The following SHANK2 variants were observed in gnomAD, a reference collection of about 807,000 sequenced individuals.
SHANK2 encodes the protein SH3 and multiple ankyrin repeat domains protein 2.
A neutral mutation model predicts 133.7 loss-of-function variants in SHANK2; 43 were observed. The observed-to-expected ratio is 0.32, with a 90% CI of 0.25 to 0.41. SHANK2 has a LOEUF of 0.41. SHANK2 is among the 10% of genes least tolerant of loss of function. The probability of loss-of-function intolerance (pLI) is 1.00; values close to 1 mark genes in which losing one functional copy is unlikely to be tolerated. For synonymous variants in SHANK2, 1,017 were observed against 952.8 expected, an observed-to-expected ratio of 1.07 and a Z score of -1.24; for missense variants, 1,994 against 2,235.8, an observed-to-expected ratio of 0.89 and a Z score of 2.18.
At chr11:71,110,489 C>T (rs1036166401) in intron 5 of SHANK2, among the ~76,000 whole-genome samples, 1 of 152,056 alleles carries the variant, frequency 6.6e-6, no homozygotes, top group African/African-American at 2.4e-5. Flanking sequence ...CATGTGATTC[C>T]AGCTACTTGG....
chr11:70,569,928 A>T lies in SHANK2; in HGVS notation c.2062-66997T>A, dbSNP rs1554982747. ...GACAGAGACACTCACCGAGACAGAG[A>T]CACAGAGACATAGAGAGAGAGAGAG... On this transcript the variant is annotated intron_variant, in intron 17 of 25. Coordinates refer to ENST00000601538, the MANE Select transcript of SHANK2 (RefSeq NM_012309.5). The surrounding 1 kb of genome is among the most constrained non-coding windows in gnomAD (Gnocchi z 5.1). Among the ~76,000 whole-genome samples, 1 of 144,374 alleles carries T rather than the reference A, an allele frequency of 6.9e-6. No homozygotes were observed. The highest frequency in any genetic ancestry group is 1.6e-5 in the Non-Finnish European group (1 of 64,180). The allele number at this position is 144,374 out of a possible 152,430, so 94.7% of individuals were successfully genotyped here.
intron 17 of SHANK2, among the ~76,000 whole-genome samples, chr11:70,518,780 C>T (rs972266714): frequency 1.3e-5 from 2 of 152,204 alleles, no homozygotes; most frequent in African/African-American, 4.8e-5. Flanking sequence ...TCCCACTCCC[C>T]GTCAGCTTGC....
At chr11:70,607,885 A>G (rs1364495723) in intron 17 of SHANK2, among the ~76,000 whole-genome samples, 1 of 152,232 alleles carries the variant, frequency 6.6e-6, no homozygotes, top group African/African-American at 2.4e-5. Context: ...TGGACAACAT[A>G]TAGCCCCCCT....
intron 17 of SHANK2, among the ~76,000 whole-genome samples, chr11:70,563,228 CTTTGT>C (rs1299818924): frequency 1.3e-5 from 2 of 152,232 alleles, no homozygotes; most frequent in South Asian, 2.1e-4. Context: ...AGCTATTATT[CTTTGT>C]TTTGTTATTT....
chr11:70,902,996 G>T lies in SHANK2; in HGVS notation c.1108-6429C>A, dbSNP rs530939168. Among the ~76,000 whole-genome samples, 42 of 152,240 alleles carry T rather than the reference G, an allele frequency of 2.8e-4. 1 individual carries two copies. In the Middle Eastern group the frequency reaches 0.024, roughly 86 times the overall value. On this transcript the variant is annotated intron_variant, in intron 10 of 25. Coordinates refer to ENST00000601538, the MANE Select transcript of SHANK2 (RefSeq NM_012309.5). ...CCCCCCTCCACTGATCTACCAGCTGGGGGAGAAGGGGGAGTTTCCATCTAT... is the reference window on the plus strand; with the variant it reads ...CCCCCCTCCACTGATCTACCAGCTGTGGGAGAAGGGGGAGTTTCCATCTAT...
intron 2 of SHANK2, among the ~76,000 whole-genome samples, chr11:71,177,920 T>G (rs2135534644): frequency 6.6e-6 from 1 of 152,214 alleles, no homozygotes; most frequent in Non-Finnish European, 1.5e-5. Context: ...TAATAATAAG[T>G]GGAAAATGAC....
chr11:70,650,045 T>C (rs1555009720), intron 17 of SHANK2, among the ~76,000 whole-genome samples: 1 of 152,230 alleles, frequency 6.6e-6, no homozygotes, highest in Non-Finnish European at 1.5e-5. Flanking sequence ...GTCAGTCACC[T>C]AACACGGGAG....
intron 2 of SHANK2, among the ~76,000 whole-genome samples, chr11:71,158,900 G>A (rs1433095054): frequency 2.0e-5 from 3 of 152,168 alleles, no homozygotes; most frequent in Middle Eastern, 3.2e-3. Flanking sequence ...GAGAAATAGA[G>A]CCCCATGCCA....
At chr11:70,707,297 G>A (rs1223184185) in intron 14 of SHANK2, among the ~76,000 whole-genome samples, 8 of 148,110 alleles carry the variant, frequency 5.4e-5, no homozygotes, top group East Asian at 2.0e-4. Flanking sequence ...GCCTGAACCC[G>A]AGAGGTGGAG....
intron 2 of SHANK2, chr11:71,174,897 T>C (rs1403704259): frequency 6.6e-6 from 1 of 152,112 alleles, no homozygotes; most frequent in African/African-American, 2.4e-5. Context: ...CACACAGGAT[T>C]AGATTCCAAT....
chr11:71,117,208 C>T (rs1292356197), intron 4 of SHANK2, among the ~76,000 whole-genome samples: 4 of 152,028 alleles, frequency 2.6e-5, no homozygotes, highest in African/African-American at 9.7e-5. Context: ...TTAGTAGAGA[C>T]GGAGTTTCAC....
chr11:70,574,229 C>CG (rs1554983776), intron 17 of SHANK2, among the ~76,000 whole-genome samples: 2 of 152,232 alleles, frequency 1.3e-5, no homozygotes, highest in Non-Finnish European at 2.9e-5. Flanking sequence ...ACACAGACTG[C>CG]GGAGGTGTGG....
chr11:70,740,302 A>G (rs1165666872), intron 14 of SHANK2, among the ~76,000 whole-genome samples: 8 of 152,024 alleles, frequency 5.3e-5, no homozygotes, highest in Non-Finnish European at 1.2e-4. Flanking sequence ...GTTGTCCGCA[A>G]TGGGTTCTCG....
At chr11:70,907,423 C>T (rs1369149668) in intron 10 of SHANK2, among the ~76,000 whole-genome samples, 1 of 152,168 alleles carries the variant, frequency 6.6e-6, no homozygotes, top group African/African-American at 2.4e-5. Flanking sequence ...TTGGACAGCC[C>T]CAGAGGGAGC....
chr11:70,662,802 C>T (rs1329451057), intron 15 of SHANK2, among the ~76,000 whole-genome samples: 1 of 152,174 alleles, frequency 6.6e-6, no homozygotes, highest in Non-Finnish European at 1.5e-5. Flanking sequence ...CCCCGAGGCA[C>T]CCAGAGTGTG....
chr11:70,501,240 C>T (rs868913468), intron 20 of SHANK2, among the ~76,000 whole-genome samples: 43 of 152,356 alleles, frequency 2.8e-4, no homozygotes, highest in African/African-American at 9.9e-4. Context: ...TCGTGAGAAG[C>T]GGCCTGGCCG....
chr11:70,664,680 GACC>G (rs1944646035), intron 15 of SHANK2, among the ~76,000 whole-genome samples: 1 of 152,230 alleles, frequency 6.6e-6, no homozygotes, highest in Non-Finnish European at 1.5e-5. Context: ...AGATGACCCA[GACC>G]ACTTCCTGCC....
chr11:71,102,468 T>G (rs919783683), intron 6 of SHANK2, among the ~76,000 whole-genome samples: 1 of 152,284 alleles, frequency 6.6e-6, no homozygotes, highest in Non-Finnish European at 1.5e-5. Context: ...GGCCCAGGTC[T>G]GCAGGGCCCG....
At position 71,086,824 on chromosome 11, in the gene SHANK2, C is replaced by T. The variant is rs1951426170; in HGVS notation, c.912+5598G>A. On this transcript the variant is annotated intron_variant, in intron 8 of 25. Coordinates refer to ENST00000601538, the MANE Select transcript of SHANK2 (RefSeq NM_012309.5). The stretch of plus-strand genomic sequence containing the variant: ...GGCACCCGCACCCATCCCTTATCTG[C>T]TCCGTCCCTTATCATCTGATAGGCA... 2.0e-5 allele frequency among the ~76,000 whole-genome samples: 3 copies of T among 152,290 alleles called. No individual in the cohort carries two copies. In the South Asian group the frequency reaches 6.2e-4, roughly 32 times the overall value.
Sources: gnomAD v4.1 joint callset for allele counts (sites outside exome capture counted in the v4.1 genomes callset) on GRCh38, gnomAD v4.1.1 for gene constraint, Gnocchi (gnomAD v3.1) non-coding constraint, MANE v1.5 for transcripts, NCBI Gene and HGNC (gene_info 2026-07-23, HGNC 2026-07-21) for gene names.